Variants in CENPO observed in about 807,000 individuals in gnomAD.
CENPO encodes the protein centromere protein O.
In CENPO, 30 loss-of-function variants were observed where a neutral mutation model predicts 36.1. That is an observed-to-expected ratio of 0.83 (90% CI 0.62 to 1.13). CENPO has a LOEUF of 1.13. CENPO is among the 50% of genes most tolerant of loss of function. The probability of loss-of-function intolerance (pLI) is 0.00; values close to 1 mark genes in which losing one functional copy is unlikely to be tolerated. For missense variants in CENPO, 349 were observed against 357.8 expected (o/e 0.98, Z 0.20); for synonymous variants, 171 against 142.3 (o/e 1.20, Z -1.44).
At position 24,794,057 on chromosome 2, in the gene CENPO, C is replaced by T. The variant is rs1339733850; in HGVS notation, c.46+92C>T. 6.0e-6 allele frequency: 6 copies of T among 1,004,026 alleles called. No homozygotes were observed. In the Admixed American group the frequency reaches 6.8e-5, roughly 11 times the overall value. The allele number at this position is 1,004,026 out of a possible 1,614,324, so 62.2% of individuals were successfully genotyped here. On this transcript the variant is annotated intron_variant, in intron 2 of 7. Coordinates refer to ENST00000380834, the MANE Select transcript of CENPO (RefSeq NM_001322101.2). ...TTTCCTCCTGGAACTGACGTGGGAC[C>T]TGGCCTGTTTGGGAGCAGAATAGTG...
Position 24,820,653 on chromosome 2 carries a change from T to G in CENPO, c.*1335T>G, listed in dbSNP as rs1667494154. On this transcript the variant is annotated 3_prime_UTR_variant, in exon 8 of 8. Transcript: ENST00000380834. ...GGCCAGGGTGGGAGGCAGGGGCACG[T>G]GGGAAAGCACTGTTCCGGTTTTGTT... 6.3e-7 allele frequency: 1 copy of G among 1,594,146 alleles called. No individual in the cohort carries two copies. The highest frequency in any genetic ancestry group is 1.3e-5 in the African/African-American group (1 of 74,588).
At chr2:24,805,623 G>T (rs943991412) in intron 3 of CENPO, among the ~76,000 whole-genome samples, 12 of 152,210 alleles carry the variant, frequency 7.9e-5, no homozygotes, top group African/African-American at 2.9e-4. Flanking sequence ...ATCAGCAGCG[G>T]AGGTTGCAGA....
intron 2 of CENPO, among the ~76,000 whole-genome samples, chr2:24,797,556 G>GT (rs1480105307): frequency 2.0e-5 from 3 of 152,208 alleles, no homozygotes; most frequent in African/African-American, 7.2e-5. Context: ...AAGGAGGAGA[G>GT]TAGGAGCCTT....
intron 2 of CENPO, among the ~76,000 whole-genome samples, chr2:24,794,545 A>G (rs535289417): frequency 6.6e-6 from 1 of 152,356 alleles, no homozygotes; most frequent in African/African-American, 2.4e-5. Context: ...GGAAATATTC[A>G]ATGAAAGGCT....
chr2:24,820,064 C>A lies in CENPO; in HGVS notation c.*746C>A. 1 of 1,591,216 alleles carries A rather than the reference C, an allele frequency of 6.3e-7. No homozygotes were observed. The highest frequency in any genetic ancestry group is 1.7e-4 in the Middle Eastern group (1 of 5,936). ...CCTTCACAAAGATGGGGCCTCGCCT[C>A]ACAAAGCGGAAGCCGTACTCTCGGA... On this transcript the variant is annotated 3_prime_UTR_variant, in exon 8 of 8. Coordinates refer to ENST00000380834, the MANE Select transcript of CENPO (RefSeq NM_001322101.2).
chr2:24,794,780 T>C (rs1323646389), intron 2 of CENPO, among the ~76,000 whole-genome samples: 1 of 152,246 alleles, frequency 6.6e-6, no homozygotes, highest in Non-Finnish European at 1.5e-5. Flanking sequence ...TGTTCTTTGC[T>C]ACTAATACTT....
chr2:24,802,925 C>G (rs1176691475), intron 3 of CENPO, among the ~76,000 whole-genome samples: 4 of 152,122 alleles, frequency 2.6e-5, no homozygotes, highest in Non-Finnish European at 4.4e-5. Context: ...CCTTGTACCT[C>G]TGGTAGAATT....
intron 3 of CENPO, among the ~76,000 whole-genome samples, chr2:24,808,644 G>T (rs1411506428): frequency 6.6e-6 from 1 of 152,076 alleles, no homozygotes; most frequent in Non-Finnish European, 1.5e-5. Context: ...TTATTAATTT[G>T]TGGTATATAT....
chr2:24,797,591 G>A (rs1439370830), intron 2 of CENPO, among the ~76,000 whole-genome samples: 1 of 152,128 alleles, frequency 6.6e-6, no homozygotes, highest in African/African-American at 2.4e-5. Flanking sequence ...GGGTCAGAGA[G>A]GTAAAATGTA....
chr2:24,793,849 T>C lies in CENPO; in HGVS notation c.-68-3T>C, dbSNP rs186854424. The C allele has an allele frequency of 6.2e-7, 1 of 1,610,540 alleles. No homozygotes were observed. Among genetic ancestry groups the C allele is most frequent in the Admixed American group, 1.7e-5 (1 of 60,022 alleles). ...GTGACTGTTGCCATTTTTCTTTTAT[T>C]AGCAAGGACATTGGAGTCCCTATCA... is the stretch of plus-strand genomic sequence containing the variant. On this transcript the variant is annotated splice_polypyrimidine_tract_variant and splice_region_variant and intron_variant, in intron 1 of 7. Transcript: ENST00000380834.
intron 3 of CENPO, among the ~76,000 whole-genome samples, chr2:24,814,116 GCT>G (rs1666829536): frequency 1.3e-5 from 2 of 152,094 alleles, no homozygotes; most frequent in South Asian, 4.1e-4. Context: ...TTTTCTTGCT[GCT>G]CTCTCAGTCC....
chr2:24,809,583 C>G (rs967533824), intron 3 of CENPO, among the ~76,000 whole-genome samples: 1 of 149,782 alleles, frequency 6.7e-6, no homozygotes, highest in African/African-American at 2.5e-5. Context: ...CCTTTTATAC[C>G]CCACAAGTTT....
Position 24,821,223 on chromosome 2 carries a change from A to G in CENPO, c.*1905A>G, listed in dbSNP as rs941510847. On this transcript the variant is annotated 3_prime_UTR_variant, in exon 8 of 8. Coordinates refer to ENST00000380834, the MANE Select transcript of CENPO (RefSeq NM_001322101.2). ...CTGGGAAGCCATGTCCTCAGCAGGC[A>G]CAGCAACCCCTCTGGAAATGGATCA... The G allele has an allele frequency of 2.2e-6, 1 of 452,688 alleles. No homozygotes were observed. Among genetic ancestry groups the G allele is most frequent in the Non-Finnish European group, 3.9e-6 (1 of 254,558 alleles). 28.0% of individuals were successfully genotyped at this position (452,688 alleles called of 1,614,324 possible).
rs1353817162 is a variant in CENPO, at chr2:24,797,289, G to A, written c.47-2386G>A. On this transcript the variant is annotated intron_variant, in intron 2 of 7. Transcript: ENST00000380834. ...TGGATAATGGTTCCAGTCATGGAGG[G>A]GTTTAGAAGGGGAGATGATGAATTC... 3.9e-5 allele frequency among the ~76,000 whole-genome samples: 6 copies of A among 152,280 alleles called. No individual in the cohort carries two copies. The East Asian group carries it at 1.2e-3, about 29-fold the overall frequency.
chr2:24,801,208 T>C (rs1337205288), intron 3 of CENPO, among the ~76,000 whole-genome samples: 2 of 152,228 alleles, frequency 1.3e-5, no homozygotes, highest in African/African-American at 4.8e-5. Flanking sequence ...TTTGAGTTCA[T>C]TGTAGATTCT....
At chr2:24,810,047 C>CAAA (rs34117565) in intron 3 of CENPO, among the ~76,000 whole-genome samples, 12 of 133,670 alleles carry the variant, frequency 9.0e-5, no homozygotes, top group Admixed American at 2.2e-4. Flanking sequence ...AACTATGTCT[C>CAAA]AAAAAAAAAA....
In CENPO at chr2:24,820,287, G is replaced by C; in HGVS notation, c.*969G>C. 3 of 1,280,104 alleles carry C rather than the reference G, an allele frequency of 2.3e-6. No homozygotes were observed. Among genetic ancestry groups the C allele is most frequent in the Non-Finnish European group, 3.0e-6 (3 of 989,094 alleles). 79.3% of individuals were successfully genotyped at this position (1,280,104 alleles called of 1,614,324 possible). On this transcript the variant is annotated 3_prime_UTR_variant, in exon 8 of 8. Coordinates refer to ENST00000380834, the MANE Select transcript of CENPO (RefSeq NM_001322101.2). ...TTCCACCCGTGGCGAGCAGCGGGTG[G>C]GAAGGAGAACCCTGGAGTGACTGGC... is the stretch of plus-strand genomic sequence containing the variant.
At chr2:24,800,572 C>T (rs1016818069) in intron 3 of CENPO, among the ~76,000 whole-genome samples, 17 of 147,838 alleles carry the variant, frequency 1.1e-4, no homozygotes, top group African/African-American at 3.5e-4. Context: ...TGAGAACATG[C>T]GGTGTTTGGT....
At chr2:24,808,468 C>A (rs926987836) in intron 3 of CENPO, among the ~76,000 whole-genome samples, 1 of 152,178 alleles carries the variant, frequency 6.6e-6, no homozygotes, top group Admixed American at 6.5e-5. Context: ...TCCCAAAGTG[C>A]TGGGATTACA....
Sources: allele counts gnomAD v4.1 joint callset (sites outside exome capture counted in the v4.1 genomes callset), GRCh38; gene constraint gnomAD v4.1.1; transcripts MANE v1.5; gene names NCBI Gene and HGNC (gene_info 2026-07-23, HGNC 2026-07-21).